The following PPARGC1A variants were observed in gnomAD, a reference collection of about 807,000 sequenced individuals.
PPARGC1A encodes the protein peroxisome proliferator-activated receptor gamma coactivator 1-alpha.
A neutral mutation model predicts 88.7 loss-of-function variants in PPARGC1A; 25 were observed. That is an observed-to-expected ratio of 0.28 (90% CI 0.21 to 0.39). PPARGC1A has a LOEUF of 0.39. PPARGC1A is among the 10% of genes least tolerant of loss of function. PPARGC1A has a pLI of 1.00. For synonymous variants in PPARGC1A, 363 were observed against 355.6 expected, an observed-to-expected ratio of 1.02 and a Z score of -0.24; for missense variants, 880 against 968.7, an observed-to-expected ratio of 0.91 and a Z score of 1.22.
chr4:24,382,219 A>G, the PPARGC1A span, among the ~76,000 whole-genome samples: 31 of 152,328 alleles, frequency 2.0e-4, 1 homozygote, highest in African/African-American at 7.2e-4. Flanking sequence ...AATAATGTAC[A>G]GTCACTAATT....
chr4:23,938,401 T>C, the PPARGC1A span, among the ~76,000 whole-genome samples: 2 of 152,236 alleles, frequency 1.3e-5, no homozygotes, highest in African/African-American at 4.8e-5. Flanking sequence ...TTTCATTAAA[T>C]GATTGCACTT....
chr4:23,964,104 A>G, the PPARGC1A span, among the ~76,000 whole-genome samples: 1 of 152,224 alleles, frequency 6.6e-6, no homozygotes, highest in Non-Finnish European at 1.5e-5. Context: ...TACAAGTTCA[A>G]TTATGATTGC....
At chr4:24,043,698 T>C in the PPARGC1A span, among the ~76,000 whole-genome samples, 3 of 152,218 alleles carry the variant, frequency 2.0e-5, no homozygotes, top group Non-Finnish European at 4.4e-5. Flanking sequence ...AGATTCATTT[T>C]ACCTAGTTGT....
chr4:23,886,854 TTTAAA>T (rs1190400191), intron 1 of PPARGC1A, among the ~76,000 whole-genome samples: 49 of 93,572 alleles, frequency 5.2e-4, no homozygotes, highest in Admixed American at 3.0e-3. Context: ...GGGCATAGTC[TTTAAA>T]AAAAAAAAAA....
the PPARGC1A span, among the ~76,000 whole-genome samples, chr4:24,046,002 A>G: frequency 2.0e-5 from 3 of 152,278 alleles, no homozygotes; most frequent in East Asian, 5.8e-4. Context: ...CCTACCACAT[A>G]CTAAGACTTC....
At chr4:24,462,285 C>A in the PPARGC1A span, among the ~76,000 whole-genome samples, 1 of 148,234 alleles carries the variant, frequency 6.7e-6, no homozygotes, top group Non-Finnish European at 1.5e-5. Flanking sequence ...TTAGTAGAGG[C>A]AGGGTTTCAC....
chr4:23,844,162 T>G (rs1727561769), intron 2 of PPARGC1A, among the ~76,000 whole-genome samples: 1 of 150,106 alleles, frequency 6.7e-6, no homozygotes, highest in African/African-American at 2.4e-5. Flanking sequence ...GAATACAGTA[T>G]ACATATGTGT....
chr4:24,287,334 C>T, the PPARGC1A span, among the ~76,000 whole-genome samples: 3 of 152,080 alleles, frequency 2.0e-5, no homozygotes, highest in African/African-American at 2.4e-5. Context: ...CAGGAAGCAG[C>T]GATGGTTGAG....
the PPARGC1A span, among the ~76,000 whole-genome samples, chr4:23,987,373 TC>T: frequency 2.8e-4 from 42 of 152,094 alleles, 1 homozygote; most frequent in African/African-American, 9.9e-4. Context: ...TAACACTCAT[TC>T]CCCACCATTG....
the PPARGC1A span, among the ~76,000 whole-genome samples, chr4:24,136,015 C>A: frequency 1.3e-5 from 2 of 152,134 alleles, no homozygotes; most frequent in Non-Finnish European, 2.9e-5. Flanking sequence ...TCCTCCCTGA[C>A]GCTATTTCTG....
the PPARGC1A span, among the ~76,000 whole-genome samples, chr4:24,236,420 G>A: frequency 1.3e-5 from 2 of 152,198 alleles, no homozygotes; most frequent in Admixed American, 1.3e-4. Context: ...ACCTGGTGCA[G>A]TACCTTAAGA....
At chr4:24,046,063 A>G in the PPARGC1A span, among the ~76,000 whole-genome samples, 79,318 of 152,014 alleles carry the variant, frequency 0.52, 21,313 homozygotes, top group Non-Finnish European at 0.6. Flanking sequence ...TGGACTATGT[A>G]GTACAGAAGA....
At chr4:24,141,942 T>G in the PPARGC1A span, among the ~76,000 whole-genome samples, 43 of 152,266 alleles carry the variant, frequency 2.8e-4, no homozygotes, top group African/African-American at 1.0e-3. Flanking sequence ...TACCAAATAG[T>G]GACTCAAAAA....
At chr4:24,148,689 T>C in the PPARGC1A span, among the ~76,000 whole-genome samples, 1 of 152,192 alleles carries the variant, frequency 6.6e-6, no homozygotes. Flanking sequence ...GGGTCAGAAC[T>C]GGTGCCTACG....
At chr4:24,012,876 G>A in the PPARGC1A span, among the ~76,000 whole-genome samples, 11 of 152,134 alleles carry the variant, frequency 7.2e-5, no homozygotes, top group Admixed American at 5.9e-4. Context: ...GAGAAACAAG[G>A]TTTTGTGATT....
the PPARGC1A span, among the ~76,000 whole-genome samples, chr4:24,170,577 T>C: frequency 6.6e-6 from 1 of 152,180 alleles, no homozygotes; most frequent in Non-Finnish European, 1.5e-5. Flanking sequence ...TCACTTCCCA[T>C]CACCCACCTA....
the PPARGC1A span, among the ~76,000 whole-genome samples, chr4:24,302,804 G>A: frequency 3.3e-5 from 5 of 152,192 alleles, no homozygotes; most frequent in African/African-American, 1.2e-4. Context: ...GGGGTCCAAG[G>A]AATAAGGTTA....
the PPARGC1A span, among the ~76,000 whole-genome samples, chr4:24,098,793 CCA>C: frequency 3.9e-5 from 6 of 152,178 alleles, no homozygotes; most frequent in African/African-American, 1.2e-4. Flanking sequence ...ATGACTTCAT[CCA>C]CAGTGTCTAA....
the PPARGC1A span, among the ~76,000 whole-genome samples, chr4:23,937,375 G>T: frequency 6.6e-6 from 1 of 152,042 alleles, no homozygotes; most frequent in South Asian, 2.1e-4. Context: ...GGAAATTGGG[G>T]CAGAAAGTTC....
Sources: allele counts gnomAD v4.1 joint callset (sites outside exome capture counted in the v4.1 genomes callset), GRCh38; gene constraint gnomAD v4.1.1; transcripts MANE v1.5; gene names NCBI Gene and HGNC (gene_info 2026-07-23, HGNC 2026-07-21).